TAFA1: variants seen among roughly 807,000 people sequenced by gnomAD.
The protein encoded by TAFA1 is chemokine-like protein TAFA-1.
A neutral mutation model predicts 18.5 loss-of-function variants in TAFA1; 4 were observed. That is an observed-to-expected ratio of 0.22 (90% CI 0.11 to 0.49). TAFA1 has a LOEUF of 0.49. Ranked by LOEUF, TAFA1 falls within the 20% of genes least tolerant of loss-of-function variation. TAFA1 has a pLI of 0.98. For synonymous variants in TAFA1, 56 were observed against 55.2 expected (o/e 1.01, Z -0.06); for missense variants, 147 against 169.0 (o/e 0.87, Z 0.72).
intron 2 of TAFA1, among the ~76,000 whole-genome samples, chr3:68,137,694 G>A (rs1160998449): frequency 6.6e-6 from 1 of 152,206 alleles, no homozygotes; most frequent in Non-Finnish European, 1.5e-5. Flanking sequence ...ACCTGTGGTT[G>A]TGTTGGTCAG....
chr3:68,514,798 C>G (rs894778215), intron 3 of TAFA1, among the ~76,000 whole-genome samples: 1 of 151,944 alleles, frequency 6.6e-6, no homozygotes, highest in African/African-American at 2.4e-5. Context: ...AGGTCACAAG[C>G]CTATTTCTGA....
intron 2 of TAFA1, among the ~76,000 whole-genome samples, chr3:68,138,712 G>T (rs534757692): frequency 4.8e-4 from 73 of 152,282 alleles, no homozygotes; most frequent in East Asian, 2.1e-3. Flanking sequence ...TACATGAGCA[G>T]TTTATATAAA....
intron 2 of TAFA1, among the ~76,000 whole-genome samples, chr3:68,350,796 G>C (rs2106773838): frequency 6.6e-6 from 1 of 152,200 alleles, no homozygotes; most frequent in Middle Eastern, 3.4e-3. Flanking sequence ...CTAATAAGTA[G>C]TCGTGTGGCC....
intron 2 of TAFA1, among the ~76,000 whole-genome samples, chr3:68,224,626 C>T (rs1284271971): frequency 1.3e-5 from 2 of 152,090 alleles, no homozygotes; most frequent in African/African-American, 4.8e-5. Context: ...GACAGAGAGG[C>T]TAGTGATTAG....
chr3:68,401,839 G>C (rs2070500163), intron 2 of TAFA1, among the ~76,000 whole-genome samples: 1 of 152,134 alleles, frequency 6.6e-6, no homozygotes, highest in Non-Finnish European at 1.5e-5. Context: ...GGGGAAGAGA[G>C]GCCACTGGCT....
At chr3:68,117,229 T>G (rs2065335127) in intron 2 of TAFA1, among the ~76,000 whole-genome samples, 2 of 152,272 alleles carry the variant, frequency 1.3e-5, no homozygotes, top group Middle Eastern at 3.4e-3. Flanking sequence ...CAGTCTGGGG[T>G]TTTGGTTATG....
chr3:68,490,031 G>A (rs1057236787), intron 3 of TAFA1, among the ~76,000 whole-genome samples: 7 of 152,134 alleles, frequency 4.6e-5, no homozygotes, highest in Non-Finnish European at 7.4e-5. Flanking sequence ...CACTTCCAAG[G>A]AAAATAACCA....
intron 2 of TAFA1, among the ~76,000 whole-genome samples, chr3:68,102,782 C>T (rs1335984256): frequency 6.6e-6 from 1 of 152,136 alleles, no homozygotes; most frequent in Admixed American, 6.6e-5. Flanking sequence ...GTCTGTACCA[C>T]CTTTAGACCA....
the TAFA1 span, among the ~76,000 whole-genome samples, chr3:67,991,767 G>C: frequency 6.6e-6 from 1 of 152,316 alleles, no homozygotes; most frequent in East Asian, 1.9e-4. Context: ...CCAGCTTGCA[G>C]ACAGCCTGTC....
chr3:68,254,523 A>T (rs975274791), intron 2 of TAFA1, among the ~76,000 whole-genome samples: 1 of 152,034 alleles, frequency 6.6e-6, no homozygotes, highest in South Asian at 2.1e-4. Context: ...TATGGCTTTC[A>T]TGGTGGGGAG....
chr3:68,112,267 A>G (rs540679695), intron 2 of TAFA1, among the ~76,000 whole-genome samples: 1 of 152,276 alleles, frequency 6.6e-6, no homozygotes, highest in East Asian at 1.9e-4. Context: ...AGAAATTCTA[A>G]ACAAATAATT....
chr3:68,457,852 T>TA (rs1447836365), intron 3 of TAFA1, among the ~76,000 whole-genome samples: 6 of 152,186 alleles, frequency 3.9e-5, no homozygotes, highest in South Asian at 2.1e-4. Context: ...TCAGCTTTTT[T>TA]AGAGTCCGCA....
intron 2 of TAFA1, among the ~76,000 whole-genome samples, chr3:68,177,609 C>G (rs1208268360): frequency 6.6e-6 from 1 of 152,030 alleles, no homozygotes; most frequent in Non-Finnish European, 1.5e-5. Flanking sequence ...AAAGTGTAGT[C>G]CCAATCTAAA....
chr3:68,509,994 T>A (rs576252552), intron 3 of TAFA1, among the ~76,000 whole-genome samples: 1 of 152,154 alleles, frequency 6.6e-6, no homozygotes, highest in South Asian at 2.1e-4. Flanking sequence ...CAATTTTAAG[T>A]CCCCATTGTC....
intron 2 of TAFA1, among the ~76,000 whole-genome samples, chr3:68,366,202 C>A (rs1468440865): frequency 6.6e-6 from 1 of 151,982 alleles, no homozygotes. Flanking sequence ...GTCCCTCCCA[C>A]AACACATGGA....
At chr3:68,194,584 G>A (rs73834887) in intron 2 of TAFA1, among the ~76,000 whole-genome samples, 2,595 of 151,710 alleles carry the variant, frequency 0.017, 83 homozygotes, top group African/African-American at 0.059. Flanking sequence ...GTTGTTGTTG[G>A]CAGGGAGTAC....
chr3:68,147,958 G>C (rs2065762771), intron 2 of TAFA1, among the ~76,000 whole-genome samples: 1 of 152,158 alleles, frequency 6.6e-6, no homozygotes, highest in South Asian at 2.1e-4. Flanking sequence ...CTCAATTTCT[G>C]AGAAATAAAT....
chr3:68,142,807 C>A (rs189731137), intron 2 of TAFA1, among the ~76,000 whole-genome samples: 1 of 152,114 alleles, frequency 6.6e-6, no homozygotes, highest in Non-Finnish European at 1.5e-5. Flanking sequence ...TGGAGCAGAC[C>A]GGTGCATAAT....
At chr3:68,422,161 C>CT (rs1424053840) in intron 3 of TAFA1, among the ~76,000 whole-genome samples, 3 of 152,112 alleles carry the variant, frequency 2.0e-5, no homozygotes, top group African/African-American at 7.2e-5. Context: ...TTATGGATGG[C>CT]TTGTTTCACT....
Sources: gnomAD v4.1 joint callset for allele counts (sites outside exome capture counted in the v4.1 genomes callset) on GRCh38, gnomAD v4.1.1 for gene constraint, MANE v1.5 for transcripts, NCBI Gene and HGNC (gene_info 2026-07-23, HGNC 2026-07-21) for gene names.